KPNA7: variants seen among roughly 807,000 people sequenced by gnomAD.
The protein encoded by KPNA7 is importin subunit alpha-8.
Under a neutral mutation model 53.7 loss-of-function variants are expected in KPNA7, and 54 were observed. The ratio of observed to expected loss-of-function variants is 1.01; its 90% CI spans 0.81 to 1.26. KPNA7 has a LOEUF of 1.26. Ranked by LOEUF, KPNA7 falls within the 50% of genes most tolerant of loss-of-function variation. The probability of loss-of-function intolerance (pLI) is 0.00; values close to 1 mark genes in which losing one functional copy is unlikely to be tolerated. For synonymous variants in KPNA7, 276 were observed against 259.3 expected (o/e 1.06, Z -0.62); for missense variants, 640 against 644.5 (o/e 0.99, Z 0.07).
chr7:99,207,176 A>T (rs1790857551), intron 2 of KPNA7, among the ~76,000 whole-genome samples: 1 of 151,982 alleles, frequency 6.6e-6, no homozygotes, highest in East Asian at 1.9e-4. Context: ...CTGGGATTAC[A>T]AGTACAAGCC....
At chr7:99,196,582 G>A (rs986572557) in intron 3 of KPNA7, among the ~76,000 whole-genome samples, 2 of 152,164 alleles carry the variant, frequency 1.3e-5, no homozygotes, top group Non-Finnish European at 2.9e-5. Flanking sequence ...TTCAAGCCAG[G>A]AAGTGTTTAT....
chr7:99,162,514 C>T, the KPNA7 span, among the ~76,000 whole-genome samples: 1 of 152,182 alleles, frequency 6.6e-6, no homozygotes. Context: ...GGTGGGCACC[C>T]AGCCAGAAGG....
Position 99,175,791 on chromosome 7 carries a change from C to T in KPNA7, c.1465-1997G>A, listed in dbSNP as rs561804710. ...CCTCCCAAAGTGCTGAGATTACAGA[C>T]ATGAACCACTGCTCCCAGCCGAGAG... On this transcript the variant is annotated intron_variant, in intron 10 of 10. Transcript: ENST00000327442. Among the ~76,000 whole-genome samples, 5 of 152,110 alleles carry T rather than the reference C, an allele frequency of 3.3e-5. No individual in the cohort carries two copies. The South Asian group carries it at 1.0e-3, about 32-fold the overall frequency.
At chr7:99,186,019 C>G (rs1363039349) in intron 7 of KPNA7, among the ~76,000 whole-genome samples, 1 of 152,026 alleles carries the variant, frequency 6.6e-6, no homozygotes, top group Non-Finnish European at 1.5e-5. Context: ...TCTTGAACTC[C>G]TGACCTCAAG....
the KPNA7 span, among the ~76,000 whole-genome samples, chr7:99,151,457 G>GTT: frequency 2.9e-5 from 3 of 103,142 alleles, no homozygotes; most frequent in South Asian, 2.9e-4. Flanking sequence ...GTTTGTTTTT[G>GTT]GTTTTTTTTT....
At chr7:99,184,261 C>A (rs1789454606) in intron 8 of KPNA7, among the ~76,000 whole-genome samples, 1 of 150,462 alleles carries the variant, frequency 6.6e-6, no homozygotes, top group Non-Finnish European at 1.5e-5. Context: ...CTCAATTGAT[C>A]CTCCTACCTT....
intron 8 of KPNA7, among the ~76,000 whole-genome samples, chr7:99,184,286 C>T (rs1789456835): frequency 6.6e-6 from 1 of 151,768 alleles, no homozygotes; most frequent in Non-Finnish European, 1.5e-5. Context: ...TCCCAAGATG[C>T]TGGGACTACA....
intron 5 of KPNA7, among the ~76,000 whole-genome samples, chr7:99,193,779 G>T (rs1451275153): frequency 6.6e-6 from 1 of 151,820 alleles, no homozygotes; most frequent in Non-Finnish European, 1.5e-5. Flanking sequence ...CAGAACTCAA[G>T]CAATTGTCCC....
the KPNA7 span, among the ~76,000 whole-genome samples, chr7:99,158,350 T>C: frequency 1.3e-5 from 2 of 152,272 alleles, no homozygotes; most frequent in Admixed American, 1.3e-4. Context: ...CTATGTTTTT[T>C]TTCTCCACTT....
the KPNA7 span, among the ~76,000 whole-genome samples, chr7:99,160,810 C>T: frequency 3.3e-5 from 5 of 152,084 alleles, no homozygotes; most frequent in Non-Finnish European, 1.5e-5. Flanking sequence ...CTGGTCTTCA[C>T]ACCTCTGCAT....
chr7:99,191,797 G>A (rs1302367238), intron 6 of KPNA7, among the ~76,000 whole-genome samples: 8 of 152,054 alleles, frequency 5.3e-5, no homozygotes, highest in African/African-American at 1.2e-4. Context: ...CTACAGGAAC[G>A]TGCCACCATG....
intron 1 of KPNA7, among the ~76,000 whole-genome samples, chr7:99,218,955 A>ACCTGGCCAGGAGCCGCAGCCT (rs1323388847): frequency 6.6e-6 from 1 of 152,156 alleles, no homozygotes; most frequent in Admixed American, 6.6e-5. Context: ...CCAACCACTC[A>ACCTGGCCAGGAGCCGCAGCCT]CCTGGCCAGG....
the KPNA7 span, among the ~76,000 whole-genome samples, chr7:99,149,261 T>C: frequency 6.6e-6 from 1 of 152,068 alleles, no homozygotes; most frequent in Non-Finnish European, 1.5e-5. Flanking sequence ...ATCCTGCATG[T>C]ATGTGTTCAG....
intron 1 of KPNA7, among the ~76,000 whole-genome samples, chr7:99,216,088 C>G (rs1791213578): frequency 6.6e-6 from 1 of 152,046 alleles, no homozygotes; most frequent in African/African-American, 2.4e-5. Context: ...AGTGCAGTGG[C>G]ACAATCACAG....
chr7:99,217,562 G>A (rs1034675252), intron 1 of KPNA7, among the ~76,000 whole-genome samples: 9 of 151,120 alleles, frequency 6.0e-5, no homozygotes, highest in Non-Finnish European at 1.2e-4. Context: ...AGTGTCCAGG[G>A]ACAGGAGAGG....
chr7:99,172,737 T>C (rs4727426), downstream of KPNA7, among the ~76,000 whole-genome samples: 148,329 of 152,218 alleles, frequency 0.97, 72,365 homozygotes, highest in East Asian at 1. Flanking sequence ...CCTGCAGCAC[T>C]AAGAACCAAT....
Position 99,203,093 on chromosome 7 carries a change from A to G in KPNA7, c.201+13T>C. 1 of 1,551,632 alleles carries G rather than the reference A, an allele frequency of 6.4e-7. No homozygotes were observed. The highest frequency in any genetic ancestry group is 8.7e-7 in the Non-Finnish European group (1 of 1,146,952). On this transcript the variant is annotated intron_variant, in intron 3 of 10. Transcript: ENST00000327442. ...TATTTTGCCCAAGACTACTCTAAAC[A>G]CTACATACTGACCGCCACCCCTTTG...
the KPNA7 span, among the ~76,000 whole-genome samples, chr7:99,145,818 C>T: frequency 1.3e-5 from 2 of 152,034 alleles, no homozygotes; most frequent in Non-Finnish European, 2.9e-5. Flanking sequence ...CTCGGATGAC[C>T]CTAGTGAAAG....
chr7:99,193,128 T>C (rs1308625175), intron 5 of KPNA7, 27 bp from the exon 6 acceptor site: 1 of 1,373,670 alleles, frequency 7.3e-7, no homozygotes, highest in Non-Finnish European at 9.7e-7. Flanking sequence ...ATGTGACATT[T>C]AGAGAGAGAA....
Sources: gnomAD v4.1 joint callset for allele counts (sites outside exome capture counted in the v4.1 genomes callset) on GRCh38, gnomAD v4.1.1 for gene constraint, MANE v1.5 for transcripts, NCBI Gene and HGNC (gene_info 2026-07-23, HGNC 2026-07-21) for gene names.